The following EPB41L4B variants were observed in gnomAD, a reference collection of about 807,000 sequenced individuals.
EPB41L4B encodes erythrocyte membrane protein band 4.1 like 4B.
EPB41L4B carries 30 observed loss-of-function variants against 112.5 expected under a neutral mutation model. That is an observed-to-expected ratio of 0.27 (90% CI 0.20 to 0.36). The LOEUF (loss-of-function observed/expected upper bound fraction) is 0.36. Among genes scored for constraint, EPB41L4B ranks in the 10% least tolerant of loss-of-function variants. The probability of loss-of-function intolerance (pLI) is 1.00; values close to 1 mark genes in which losing one functional copy is unlikely to be tolerated. For synonymous variants in EPB41L4B, 408 were observed against 439.7 expected (o/e 0.93, Z 0.90); for missense variants, 1,024 against 1,133.3 (o/e 0.90, Z 1.38).
intron 13 of EPB41L4B, 52 bp downstream of exon 13, chr9:109,251,428 TA>T: frequency 1.3e-6 from 2 of 1,560,950 alleles, no homozygotes; most frequent in Non-Finnish European, 8.8e-7. Context: ...ACATTGCAAA[TA>T]AATACGATCC....
rs1832086778 is a variant in EPB41L4B at position 109,182,204 on chromosome 9, A to G, written c.2487+525T>C. Among the ~76,000 whole-genome samples the G allele has an allele frequency of 2.0e-5, 3 of 152,338 alleles. No individual in the cohort carries two copies. In the South Asian group the frequency reaches 6.2e-4, roughly 32 times the overall value. On this transcript the variant is annotated intron_variant, in intron 24 of 25. Transcript: ENST00000374566. ...AGCCTTGGCAGTAGAACAGATCTCA[A>G]TCCGTCTCAAAAACAAACAAACAAA...
intron 19 of EPB41L4B, among the ~76,000 whole-genome samples, chr9:109,202,780 T>C (rs1398809106): frequency 6.6e-6 from 1 of 152,146 alleles, no homozygotes; most frequent in Non-Finnish European, 1.5e-5. Flanking sequence ...ATTTGAGTGA[T>C]GGATATTCTA....
chr9:109,174,692 A>T lies in EPB41L4B; in HGVS notation c.2634-69T>A, dbSNP rs954705905. The T allele has an allele frequency of 5.3e-6, 7 of 1,323,948 alleles. No homozygotes were observed. The African/African-American group carries it at 1.0e-4, about 19-fold the overall frequency. 82.0% of individuals were successfully genotyped at this position (1,323,948 alleles called of 1,614,324 possible). On this transcript the variant is annotated intron_variant, in intron 25 of 25. Transcript: ENST00000374566. The stretch of plus-strand genomic sequence containing the variant: ...AATTGCAGAAGCAGACAGCTTAAGT[A>T]TCATCTCCCAGGTTCTTTCCTGATC...
In EPB41L4B at chr9:109,256,398, C is replaced by A. The variant is rs780093302; in HGVS notation, c.835G>T (p.Val279Phe). 11 of 1,614,120 alleles carry A rather than the reference C, an allele frequency of 6.8e-6. No homozygotes were observed. Among genetic ancestry groups the A allele is most frequent in the Non-Finnish European group, 6.8e-6 (8 of 1,179,994 alleles). Reference sequence around the variant, plus strand: ...TAAACGCACACAGTTCTTACCCTGACAACGTGCATGTCTACCCCATACATT... The same window carrying A: ...TAAACGCACACAGTTCTTACCCTGAAAACGTGCATGTCTACCCCATACATT... ...LEMYGVDMHVVRGRDGCEYSL... is the reference protein window; with the variant it reads ...LEMYGVDMHVFRGRDGCEYSL... Residue 279 changes from valine to phenylalanine, a missense_variant, in exon 8 of 26, where the codon GTC becomes TTC. Coordinates refer to ENST00000374566, the MANE Select transcript of EPB41L4B (RefSeq NM_019114.5).
At chr9:109,297,597 T>A (rs1836783937) in intron 1 of EPB41L4B, among the ~76,000 whole-genome samples, 1 of 152,232 alleles carries the variant, frequency 6.6e-6, no homozygotes, top group Admixed American at 6.5e-5. Context: ...AGCCAGGGCC[T>A]CTGCCCAGGA....
At chr9:109,187,671 T>C (rs1832318247) in intron 22 of EPB41L4B, among the ~76,000 whole-genome samples, 1 of 152,178 alleles carries the variant, frequency 6.6e-6, no homozygotes, top group Non-Finnish European at 1.5e-5. Flanking sequence ...ACTGGGTCTT[T>C]TCTTCTCTGA....
chr9:109,295,703 G>T (rs991068227), intron 1 of EPB41L4B, among the ~76,000 whole-genome samples: 3 of 152,086 alleles, frequency 2.0e-5, no homozygotes, highest in African/African-American at 7.2e-5. Flanking sequence ...AACAGGAAAA[G>T]AAAAGGCAAG....
At chr9:109,175,825 C>T (rs1321543372) in intron 25 of EPB41L4B, among the ~76,000 whole-genome samples, 3 of 152,226 alleles carry the variant, frequency 2.0e-5, no homozygotes, top group Non-Finnish European at 2.9e-5. Flanking sequence ...GCTCTGGCCA[C>T]GCTGGCCCCT....
At chr9:109,235,358 A>G (rs1834101494) in intron 15 of EPB41L4B, among the ~76,000 whole-genome samples, 1 of 148,538 alleles carries the variant, frequency 6.7e-6, no homozygotes, top group African/African-American at 2.5e-5. Flanking sequence ...TCAAACCATC[A>G]ATCTATTAGA....
chr9:109,287,135 G>GGGCA (rs1391085976), intron 1 of EPB41L4B, among the ~76,000 whole-genome samples: 1 of 152,092 alleles, frequency 6.6e-6, no homozygotes, highest in Non-Finnish European at 1.5e-5. Context: ...TGAAAGACTG[G>GGGCA]GGCAGGCAGG....
At chr9:109,244,125 GCA>G (rs1834454021) in intron 14 of EPB41L4B, among the ~76,000 whole-genome samples, 1 of 152,184 alleles carries the variant, frequency 6.6e-6, no homozygotes, top group Non-Finnish European at 1.5e-5. Flanking sequence ...AGTTACATCT[GCA>G]CACAGACAAG....
intron 6 of EPB41L4B, among the ~76,000 whole-genome samples, chr9:109,259,111 G>A (rs907820514): frequency 2.0e-5 from 3 of 152,100 alleles, no homozygotes; most frequent in Non-Finnish European, 2.9e-5. Context: ...GCTACACCAA[G>A]TGTGGACCAC....
intron 1 of EPB41L4B, among the ~76,000 whole-genome samples, chr9:109,313,522 C>A (rs1033746545): frequency 6.6e-6 from 1 of 152,120 alleles, no homozygotes; most frequent in African/African-American, 2.4e-5. Flanking sequence ...CCTGGGCTGG[C>A]GAGAGTCGAG....
chr9:109,316,538 C>G (rs1837641252), intron 1 of EPB41L4B, among the ~76,000 whole-genome samples: 1 of 152,172 alleles, frequency 6.6e-6, no homozygotes, highest in Non-Finnish European at 1.5e-5. Flanking sequence ...TCCTGCCCTG[C>G]TCTGACCAGA....
At chr9:109,196,855 T>C (rs1832658625) in intron 20 of EPB41L4B, among the ~76,000 whole-genome samples, 2 of 152,210 alleles carry the variant, frequency 1.3e-5, no homozygotes, top group Admixed American at 6.5e-5. Flanking sequence ...GTGGCTGAGA[T>C]TTTTGTCTGT....
chr9:109,313,422 T>A (rs1255211881), intron 1 of EPB41L4B, among the ~76,000 whole-genome samples: 1 of 151,976 alleles, frequency 6.6e-6, no homozygotes, highest in African/African-American at 2.4e-5. Flanking sequence ...ATTAGAGGGA[T>A]TAGGGTGGTG....
intron 1 of EPB41L4B, among the ~76,000 whole-genome samples, chr9:109,317,904 T>C (rs1837692073): frequency 1.3e-5 from 2 of 152,156 alleles, no homozygotes; most frequent in African/African-American, 4.8e-5. Context: ...GAGCAGCAAA[T>C]GCTACAAATG....
At chr9:109,295,467 C>G (rs1836700968) in intron 1 of EPB41L4B, among the ~76,000 whole-genome samples, 1 of 152,086 alleles carries the variant, frequency 6.6e-6, no homozygotes, top group Non-Finnish European at 1.5e-5. Context: ...GGATGGCCAC[C>G]CTGCCCAGGA....
chr9:109,228,720 T>C (rs1833862521), intron 15 of EPB41L4B, among the ~76,000 whole-genome samples: 1 of 152,230 alleles, frequency 6.6e-6, no homozygotes, highest in Admixed American at 6.5e-5. Context: ...GTCATTAAAT[T>C]GCTCATCTTT....
Sources: allele counts gnomAD v4.1 joint callset (sites outside exome capture counted in the v4.1 genomes callset), GRCh38; gene constraint gnomAD v4.1.1; transcripts MANE v1.5; gene names NCBI Gene and HGNC (gene_info 2026-07-23, HGNC 2026-07-21).